The following MALRD1 variants were observed in gnomAD, a reference collection of about 807,000 sequenced individuals.
MALRD1 encodes the protein MAM and LDL-receptor class A domain-containing protein 1.
MALRD1 carries 247 observed loss-of-function variants against 242.1 expected under a neutral mutation model. The observed-to-expected ratio is 1.02, with a 90% CI of 0.92 to 1.13. The LOEUF (loss-of-function observed/expected upper bound fraction) is 1.13. Among genes scored for constraint, MALRD1 ranks in the 50% most tolerant of loss-of-function variants. The probability of loss-of-function intolerance (pLI) is 0.00; values close to 1 mark genes in which losing one functional copy is unlikely to be tolerated. For missense variants in MALRD1, 2,989 were observed against 2,533.1 expected, an observed-to-expected ratio of 1.18 and a Z score of -3.86; for synonymous variants, 995 against 866.6, an observed-to-expected ratio of 1.15 and a Z score of -2.60.
chr10:19,464,818 A>T (rs1238748688), intron 29 of MALRD1, among the ~76,000 whole-genome samples: 1 of 152,110 alleles, frequency 6.6e-6, no homozygotes, highest in Non-Finnish European at 1.5e-5. Context: ...CATTTTCACA[A>T]TATTGATTCT....
chr10:19,592,767 GCACA>G (rs138483194), intron 33 of MALRD1, among the ~76,000 whole-genome samples: 18 of 104,592 alleles, frequency 1.7e-4, no homozygotes, highest in African/African-American at 3.2e-4. Flanking sequence ...ACACACGCAC[GCACA>G]CACACACACA....
intron 21 of MALRD1, among the ~76,000 whole-genome samples, chr10:19,305,331 C>A (rs1201841020): frequency 2.0e-5 from 3 of 151,492 alleles, no homozygotes; most frequent in African/African-American, 7.3e-5. Flanking sequence ...AGCTGAAATT[C>A]TTCTTTGAAA....
intron 29 of MALRD1, among the ~76,000 whole-genome samples, chr10:19,483,011 G>C (rs541549268): frequency 4.0e-5 from 6 of 151,872 alleles, no homozygotes; most frequent in Non-Finnish European, 8.8e-5. Context: ...AAAGAACAAA[G>C]CTAGAGTCAT....
intron 31 of MALRD1, among the ~76,000 whole-genome samples, chr10:19,522,745 G>A (rs1297540175): frequency 2.6e-5 from 4 of 152,104 alleles, no homozygotes; most frequent in Non-Finnish European, 5.9e-5. Context: ...ACATAGTAGG[G>A]ATTAAGAAAT....
intron 34 of MALRD1, among the ~76,000 whole-genome samples, chr10:19,605,485 CTTTTT>C (rs369007691): frequency 7.8e-6 from 1 of 128,486 alleles, no homozygotes; most frequent in Non-Finnish European, 1.6e-5. Flanking sequence ...GTTTTTCTTT[CTTTTT>C]TTTTTTTTTT....
intron 26 of MALRD1, among the ~76,000 whole-genome samples, chr10:19,361,095 G>T (rs925646900): frequency 2.0e-5 from 3 of 150,140 alleles, no homozygotes; most frequent in Admixed American, 6.7e-5. Flanking sequence ...GTTTCTTGTA[G>T]TAATAAAACT....
intron 21 of MALRD1, among the ~76,000 whole-genome samples, chr10:19,295,061 A>T (rs1306261926): frequency 6.6e-6 from 1 of 152,108 alleles, no homozygotes; most frequent in Non-Finnish European, 1.5e-5. Context: ...TTACTAATTC[A>T]AGTCATCACT....
chr10:19,567,461 A>C (rs745591660), intron 32 of MALRD1, 41 bp from the exon 33 acceptor site: 2 of 1,497,722 alleles, frequency 1.3e-6, no homozygotes, highest in South Asian at 2.4e-5. Flanking sequence ...GATACTTCTA[A>C]TATCCAATCA....
In MALRD1 at chr10:19,584,438, A is replaced by T. The variant is rs1454410275; in HGVS notation, c.5681-10756A>T. On this transcript the variant is annotated intron_variant, in intron 33 of 39. Coordinates refer to ENST00000454679, the MANE Select transcript of MALRD1 (RefSeq NM_001142308.3). ...TGGTATGTTGTGTCTTTGTTCTCGT[A>T]GGTTTCAAAGAACATCTTTATTTCT... 5.3e-5 allele frequency among the ~76,000 whole-genome samples: 8 copies of T among 151,328 alleles called. No homozygotes were observed. The East Asian group carries it at 7.8e-4, about 15-fold the overall frequency.
chr10:19,161,550 C>CAAAAAAAAAAAAAAAAAAAAAAA, intron 12 of MALRD1, among the ~76,000 whole-genome samples: 7 of 60,832 alleles, frequency 1.2e-4, no homozygotes, highest in African/African-American at 2.0e-4. Context: ...AAAAAAAAAG[C>CAAAAAAAAAAAAAAAAAAAAAAA]AAAAAAAAAA....
At chr10:19,050,320 C>T (rs1439157534) in intron 1 of MALRD1, among the ~76,000 whole-genome samples, 1 of 151,244 alleles carries the variant, frequency 6.6e-6, no homozygotes, top group East Asian at 1.9e-4. Context: ...ATCTCCTGAC[C>T]TCGTGATCCG....
At chr10:19,571,149 TCTTA>T (rs1836516320) in intron 33 of MALRD1, among the ~76,000 whole-genome samples, 1 of 152,150 alleles carries the variant, frequency 6.6e-6, no homozygotes, top group Non-Finnish European at 1.5e-5. Flanking sequence ...AATTAGCTCT[TCTTA>T]CTTGCCAAAG....
At chr10:19,495,474 A>G (rs1564390309) in intron 30 of MALRD1, among the ~76,000 whole-genome samples, 1 of 152,012 alleles carries the variant, frequency 6.6e-6, no homozygotes, top group Admixed American at 6.6e-5. Context: ...AAAACCTACA[A>G]CCAAGAATTT....
intron 15 of MALRD1, among the ~76,000 whole-genome samples, chr10:19,204,084 C>G (rs763363327): frequency 6.6e-6 from 1 of 152,146 alleles, no homozygotes; most frequent in African/African-American, 2.4e-5. Context: ...TTTGGCTGAA[C>G]TAGCTGAAAT....
chr10:19,475,186 C>T (rs964908287), intron 29 of MALRD1, among the ~76,000 whole-genome samples: 7 of 152,136 alleles, frequency 4.6e-5, no homozygotes, highest in Non-Finnish European at 8.8e-5. Context: ...GAGGCCGAGG[C>T]GGGCGGATCA....
intron 11 of MALRD1, among the ~76,000 whole-genome samples, chr10:19,150,081 C>A (rs1237161929): frequency 6.6e-6 from 1 of 152,198 alleles, no homozygotes; most frequent in African/African-American, 2.4e-5. Context: ...CATTTATCCA[C>A]TAACCAGCTG....
At chr10:19,324,180 T>C in intron 22 of MALRD1, 75 bp downstream of exon 22, 4 of 1,364,620 alleles carry the variant, frequency 2.9e-6, no homozygotes, top group Non-Finnish European at 4.0e-6. Context: ...ATCATTAAAA[T>C]ATATTCTGTT....
intron 36 of MALRD1, among the ~76,000 whole-genome samples, chr10:19,625,979 C>T (rs749440999): frequency 6.6e-6 from 1 of 152,056 alleles, no homozygotes; most frequent in Non-Finnish European, 1.5e-5. Flanking sequence ...CATAATAACA[C>T]TGGACTGTTT....
intron 29 of MALRD1, among the ~76,000 whole-genome samples, chr10:19,474,592 A>G (rs1224478749): frequency 1.3e-5 from 2 of 152,098 alleles, no homozygotes; most frequent in African/African-American, 2.4e-5. Context: ...GAATAAGCCC[A>G]TTGTAAGTTA....
Sources: allele counts gnomAD v4.1 joint callset (sites outside exome capture counted in the v4.1 genomes callset), GRCh38; gene constraint gnomAD v4.1.1; transcripts MANE v1.5; gene names NCBI Gene and HGNC (gene_info 2026-07-23, HGNC 2026-07-21).